H2BC8: variants seen among roughly 807,000 people sequenced by gnomAD.
H2BC8 encodes histone H2B type 1-C/E/F/G/I.
Under a neutral mutation model 6.3 loss-of-function variants are expected in H2BC8, and 11 were observed. That is an observed-to-expected ratio of 1.75 (90% CI 1.10 to 2.89). The LOEUF (loss-of-function observed/expected upper bound fraction) is 2.89. Ranked by LOEUF, H2BC8 falls within the 30% of genes most tolerant of loss-of-function variation. The pLI, the probability that H2BC8 is intolerant of heterozygous loss-of-function variation, is 0.00. For synonymous variants in H2BC8, 150 were observed against 65.8 expected, an observed-to-expected ratio of 2.28 and a Z score of -6.19; for missense variants, 195 against 165.2, an observed-to-expected ratio of 1.18 and a Z score of -0.99.
rs533938487 is a variant in H2BC8, at chr6:26,216,551, C to T, written c.93G>A (p.Lys31=). 1 of 1,614,232 alleles carries T rather than the reference C, an allele frequency of 6.2e-7. No homozygotes were observed. The highest frequency in any genetic ancestry group is 1.1e-5 in the South Asian group (1 of 91,090). ...KAQKKDGKKR[K]RSRKESYSVY... Reference sequence around the variant, plus strand: ...CGGAGTAGCTCTCCTTACGACTGCGCTTGCGCTTCTTGCCATCCTTCTTCT... The same window carrying T: ...CGGAGTAGCTCTCCTTACGACTGCGTTTGCGCTTCTTGCCATCCTTCTTCT... Residue 31 remains lysine, a synonymous_variant, in exon 1 of 1, where the codon AAG becomes AAA. Transcript: ENST00000541790.
At position 26,216,529 on chromosome 6, in the gene H2BC8, A is replaced by G. The variant is rs1421505868; in HGVS notation, c.115T>C (p.Ser39Pro). The G allele has an allele frequency of 6.2e-7, 1 of 1,614,208 alleles. No homozygotes were observed. The highest frequency in any genetic ancestry group is 8.5e-7 in the Non-Finnish European group (1 of 1,180,034). The change falls in exon 1 of 1, where the codon TCC becomes CCC. Residue 39 changes from serine (S) to proline (P), a missense_variant. Ser to Pro is a moderately conservative substitution (Grantham distance 74). Transcript: ENST00000541790. ...TTTAGCACCTTGTACACATACACGG[A>G]GTAGCTCTCCTTACGACTGCGCTTG... ...KRKRSRKESY[S>P]VYVYKVLKQV... is the part of the protein sequence containing the mutation.
Position 26,216,682 on chromosome 6 carries a change from C to A in H2BC8, c.-39G>T. 2 of 1,576,462 alleles carry A rather than the reference C, an allele frequency of 1.3e-6. No homozygotes were observed. Among genetic ancestry groups the A allele is most frequent in the Non-Finnish European group, 8.6e-7 (1 of 1,165,144 alleles). ...AATAACAGCAGTGAGAATGAACGCA[C>A]TTAAATAAAAGCTCGTGTCTAGAGT... On this transcript the variant is annotated 5_prime_UTR_variant, in exon 1 of 1. Transcript: ENST00000541790.
Position 26,216,220 on chromosome 6 carries a change from CT to C in H2BC8, c.*42del. 1 of 1,532,760 alleles carries C rather than the reference CT, an allele frequency of 6.5e-7. No homozygotes were observed. The allele number at this position is 1,532,760 out of a possible 1,614,324, so 94.9% of individuals were successfully genotyped here. Reference sequence around the variant, plus strand: ...AGCTCTTTATGTGAGACTTGAGTGGCTCTGAAAAGAGCCTTTGAGTTTTAAA... The same window carrying C: ...AGCTCTTTATGTGAGACTTGAGTGGCCTGAAAAGAGCCTTTGAGTTTTAAA... On this transcript the variant is annotated 3_prime_UTR_variant, in exon 1 of 1. Coordinates refer to ENST00000541790, the MANE Select transcript of H2BC8 (RefSeq NM_003518.4).
rs764137342 is a variant in H2BC8, at chr6:26,216,237, G to A, written c.*26C>T. On this transcript the variant is annotated 3_prime_UTR_variant, in exon 1 of 1. Transcript: ENST00000541790. ...TTGAGTGGCTCTGAAAAGAGCCTTT[G>A]AGTTTTAAAGCACCTAAGCACACAT... 2 of 1,551,974 alleles carry A rather than the reference G, an allele frequency of 1.3e-6. No individual in the cohort carries two copies. Among genetic ancestry groups the A allele is most frequent in the Non-Finnish European group, 1.7e-6 (2 of 1,149,818 alleles).
Position 26,216,479 on chromosome 6 carries a change from G to T in H2BC8, c.165C>A (p.Ile55=), listed in dbSNP as rs749610657. 6.2e-7 allele frequency: 1 copy of T among 1,614,252 alleles called. No individual in the cohort carries two copies. The highest frequency in any genetic ancestry group is 1.1e-5 in the South Asian group (1 of 91,088). ...VLKQVHPDTG[I]SSKAMGIMNS... ...TCATGATGCCCATGGCCTTGGATGA[G>T]ATGCCAGTATCGGGGTGAACCTGTT... Residue 55 remains isoleucine (I), a synonymous_variant, in exon 1 of 1, where the codon ATC becomes ATA. Coordinates refer to ENST00000541790, the MANE Select transcript of H2BC8 (RefSeq NM_003518.4).
rs1245110373 is a variant in H2BC8 at position 26,216,320 on chromosome 6, G to A, written c.324C>T (p.Ala108=). ...AVRLLLPGEL[A]KHAVSEGTKA... is the part of the protein sequence containing the mutation. ...TGGTACCTTCGGACACTGCGTGCTT[G>A]GCCAGCTCTCCGGGAAGCAGCAGAC... The change falls in exon 1 of 1, where the codon GCC becomes GCT. Residue 108 remains alanine, a synonymous_variant. Transcript: ENST00000541790. 1 of 1,613,850 alleles carries A rather than the reference G, an allele frequency of 6.2e-7. No homozygotes were observed. The highest frequency in any genetic ancestry group is 8.5e-7 in the Non-Finnish European group (1 of 1,179,820).
Position 26,216,234 on chromosome 6 carries a change from T to G in H2BC8, c.*29A>C, listed in dbSNP as rs1262152669. ...GACTTGAGTGGCTCTGAAAAGAGCC[T>G]TTGAGTTTTAAAGCACCTAAGCACA... On this transcript the variant is annotated 3_prime_UTR_variant, in exon 1 of 1. Transcript: ENST00000541790. 1 of 1,550,736 alleles carries G rather than the reference T, an allele frequency of 6.4e-7. No individual in the cohort carries two copies. Among genetic ancestry groups the G allele is most frequent in the South Asian group, 1.2e-5 (1 of 80,772 alleles).
rs1708185726 is a variant in H2BC8 at position 26,216,540 on chromosome 6, T to C, written c.104A>G (p.Lys35Arg). ...KDGKKRKRSR[K>R]ESYSVYVYKV... ...GTACACATACACGGAGTAGCTCTCC[T>C]TACGACTGCGCTTGCGCTTCTTGCC... The change falls in exon 1 of 1, where the codon AAG becomes AGG. Residue 35 changes from lysine to arginine, a missense_variant. Transcript: ENST00000541790. The C allele has an allele frequency of 3.1e-6, 5 of 1,614,128 alleles. No homozygotes were observed. Among genetic ancestry groups the C allele is most frequent in the Non-Finnish European group, 4.2e-6 (5 of 1,180,042 alleles).
Position 26,216,455 on chromosome 6 carries a change from C to G in H2BC8, c.189G>C (p.Met63Ile), listed in dbSNP as rs747228517. 6.2e-7 allele frequency: 1 copy of G among 1,614,108 alleles called. No homozygotes were observed. The highest frequency in any genetic ancestry group is 2.2e-5 in the East Asian group (1 of 44,894). Reference sequence around the variant, plus strand: ...CGAAGATGTCGTTAACGAAGGAATTCATGATGCCCATGGCCTTGGATGAGA... The same window carrying G: ...CGAAGATGTCGTTAACGAAGGAATTGATGATGCCCATGGCCTTGGATGAGA... ...TGISSKAMGI[M>I]NSFVNDIFER... The change falls in exon 1 of 1, where the codon ATG (methionine) becomes ATC (isoleucine). Residue 63 changes from methionine (M) to isoleucine (I), a missense_variant. Met to Ile is a conservative substitution (Grantham distance 10). Transcript: ENST00000541790.
At position 26,216,204 on chromosome 6, in the gene H2BC8, T is replaced by C. The variant is rs28448296; in HGVS notation, c.*59A>G. 5.1e-3 allele frequency: 7,678 copies of C among 1,504,406 alleles called. 196 individuals are homozygous for C. The African/African-American group carries it at 0.069, about 13-fold the overall frequency. The allele number at this position is 1,504,406 out of a possible 1,614,324, so 93.2% of individuals were successfully genotyped here. A position where few individuals can be genotyped will look rare whatever the true frequency, so the allele number is the denominator to read the frequency against. On this transcript the variant is annotated 3_prime_UTR_variant, in exon 1 of 1. Coordinates refer to ENST00000541790, the MANE Select transcript of H2BC8 (RefSeq NM_003518.4). The stretch of plus-strand genomic sequence containing the variant: ...TGAAATTCAATATTAAAGCTCTTTA[T>C]GTGAGACTTGAGTGGCTCTGAAAAG...
In H2BC8 at chr6:26,216,254, A is replaced by G. The variant is rs777415026; in HGVS notation, c.*9T>C. ...GAGCCTTTGAGTTTTAAAGCACCTA[A>G]GCACACATTTACTTGGAGCTTGTAT... On this transcript the variant is annotated 3_prime_UTR_variant, in exon 1 of 1. Transcript: ENST00000541790. 3 of 1,587,870 alleles carry G rather than the reference A, an allele frequency of 1.9e-6. No individual in the cohort carries two copies. The highest frequency in any genetic ancestry group is 2.6e-6 in the Non-Finnish European group (3 of 1,166,416).
rs191008734 is a variant in H2BC8, at chr6:26,216,634, G to A, written c.10C>T (p.Pro4Ser). MPE[P>S]AKSAPAPKKG... is the part of the protein sequence containing the mutation. The stretch of plus-strand genomic sequence containing the variant: ...TTCGGAGCAGGAGCTGACTTAGCTG[G>A]TTCAGGCATGCTGTCAGAAAACAAT... The change falls in exon 1 of 1, where the codon CCA becomes TCA. Residue 4 changes from proline to serine, a missense_variant. By Grantham distance (74) the Pro-to-Ser change is moderately conservative (BLOSUM62 -1). Transcript: ENST00000541790. 3.1e-6 allele frequency: 5 copies of A among 1,611,856 alleles called. No homozygotes were observed. The highest frequency in any genetic ancestry group is 4.2e-6 in the Non-Finnish European group (5 of 1,179,226).
Position 26,216,614 on chromosome 6 carries a change from A to C in H2BC8, c.30T>G (p.Ala10=). The C allele has an allele frequency of 6.2e-7, 1 of 1,613,998 alleles. No homozygotes were observed. Among genetic ancestry groups the C allele is most frequent in the Non-Finnish European group, 8.5e-7 (1 of 1,179,966 alleles). Residue 10 remains alanine (A), a synonymous_variant, in exon 1 of 1, where the codon GCT becomes GCG. Transcript: ENST00000541790. MPEPAKSAP[A]PKKGSKKAVT... ...CAGCCTTCTTGGAACCCTTCTTCGG[A>C]GCAGGAGCTGACTTAGCTGGTTCAG...
Position 26,216,465 on chromosome 6 carries a change from A to G in H2BC8, c.179T>C (p.Met60Thr). ...GTTAACGAAGGAATTCATGATGCCC[A>G]TGGCCTTGGATGAGATGCCAGTATC... is the stretch of plus-strand genomic sequence containing the variant. ...HPDTGISSKA[M>T]GIMNSFVNDI... Residue 60 changes from methionine to threonine, a missense_variant, in exon 1 of 1, where the codon ATG becomes ACG. Transcript: ENST00000541790. 2 of 1,614,228 alleles carry G rather than the reference A, an allele frequency of 1.2e-6. No individual in the cohort carries two copies. Among genetic ancestry groups the G allele is most frequent in the Non-Finnish European group, 1.7e-6 (2 of 1,180,038 alleles).
chr6:26,216,216 G>GCC lies in H2BC8; in HGVS notation c.*46_*47insGG. The GCC allele has an allele frequency of 6.6e-7, 1 of 1,518,616 alleles. No homozygotes were observed. The allele number at this position is 1,518,616 out of a possible 1,614,324, so 94.1% of individuals were successfully genotyped here. ...TTAAAGCTCTTTATGTGAGACTTGA[G>GCC]TGGCTCTGAAAAGAGCCTTTGAGTT... On this transcript the variant is annotated 3_prime_UTR_variant, in exon 1 of 1. Coordinates refer to ENST00000541790, the MANE Select transcript of H2BC8 (RefSeq NM_003518.4).
chr6:26,216,668 T>G lies in H2BC8; in HGVS notation c.-25A>C, dbSNP rs944925331. 6.3e-7 allele frequency: 1 copy of G among 1,594,950 alleles called. No homozygotes were observed. Among genetic ancestry groups the G allele is most frequent in the Non-Finnish European group, 8.5e-7 (1 of 1,172,646 alleles). On this transcript the variant is annotated 5_prime_UTR_variant, in exon 1 of 1. Transcript: ENST00000541790. ...TGCTGTCAGAAAACAATAACAGCAG[T>G]GAGAATGAACGCACTTAAATAAAAG...
rs201957387 is a variant in H2BC8, at chr6:26,216,368, G to A, written c.276C>T (p.Ser92=). The A allele has an allele frequency of 5.7e-5, 92 of 1,614,082 alleles. No individual in the cohort carries two copies. Among genetic ancestry groups the A allele is most frequent in the Non-Finnish European group, 7.7e-5 (91 of 1,180,044 alleles). The change falls in exon 1 of 1, where the codon TCC becomes TCT. Residue 92 remains serine, a synonymous_variant. Coordinates refer to ENST00000541790, the MANE Select transcript of H2BC8 (RefSeq NM_003518.4). ...AHYNKRSTIT[S]REIQTAVRLL... is the part of the protein sequence containing the mutation. ...GACGCACGGCGGTCTGGATCTCCCT[G>A]GAGGTAATGGTCGAGCGCTTGTTGT... is the stretch of plus-strand genomic sequence containing the variant.
At position 26,216,554 on chromosome 6, in the gene H2BC8, G is replaced by A. The variant is rs1219483033; in HGVS notation, c.90C>T (p.Arg30=). 3 of 1,614,104 alleles carry A rather than the reference G, an allele frequency of 1.9e-6. No homozygotes were observed. Among genetic ancestry groups the A allele is most frequent in the African/African-American group, 1.3e-5 (1 of 74,934 alleles). Residue 30 remains arginine, a synonymous_variant, in exon 1 of 1, where the codon CGC becomes CGT. Coordinates refer to ENST00000541790, the MANE Select transcript of H2BC8 (RefSeq NM_003518.4). ...TKAQKKDGKK[R]KRSRKESYSV... ...AGTAGCTCTCCTTACGACTGCGCTT[G>A]CGCTTCTTGCCATCCTTCTTCTGCG...
chr6:26,216,648 T>G lies in H2BC8; in HGVS notation c.-5A>C. ...TGACTTAGCTGGTTCAGGCATGCTG[T>G]CAGAAAACAATAACAGCAGTGAGAA... On this transcript the variant is annotated 5_prime_UTR_variant, in exon 1 of 1. Coordinates refer to ENST00000541790, the MANE Select transcript of H2BC8 (RefSeq NM_003518.4). The G allele has an allele frequency of 6.2e-7, 1 of 1,607,164 alleles. No homozygotes were observed. Among genetic ancestry groups the G allele is most frequent in the South Asian group, 1.1e-5 (1 of 90,316 alleles).
Sources: allele counts gnomAD v4.1 joint callset, GRCh38; gene constraint gnomAD v4.1.1; transcripts MANE v1.5; gene names NCBI Gene and HGNC (gene_info 2026-07-23, HGNC 2026-07-21).